Variants in MYO16 observed in about 807,000 individuals in gnomAD.
MYO16 encodes the protein myosin XVI, also known as unconventional myosin-XVI.
In MYO16, 94 loss-of-function variants were observed where a neutral mutation model predicts 205.3. The observed-to-expected ratio is 0.46, with a 90% CI of 0.39 to 0.54. MYO16 has a LOEUF of 0.54. Among genes scored for constraint, MYO16 ranks in the 20% least tolerant of loss-of-function variants. The pLI is 0.00. For synonymous variants in MYO16, 988 were observed against 954.0 expected (o/e 1.04, Z -0.66); for missense variants, 2,315 against 2,387.5 (o/e 0.97, Z 0.63).
chr13:108,527,477 A>G, the MYO16 span, among the ~76,000 whole-genome samples: 1 of 152,210 alleles, frequency 6.6e-6, no homozygotes, highest in Non-Finnish European at 1.5e-5. Flanking sequence ...CTGTTAATTA[A>G]GGTTTGTAAC....
the MYO16 span, among the ~76,000 whole-genome samples, chr13:108,542,600 C>T: frequency 6.6e-6 from 1 of 151,998 alleles, no homozygotes; most frequent in African/African-American, 2.4e-5. Flanking sequence ...TGAGATTAGC[C>T]TTTATTTTGA....
At chr13:108,506,560 ATGTATGTG>A in the MYO16 span, among the ~76,000 whole-genome samples, 2 of 152,066 alleles carry the variant, frequency 1.3e-5, no homozygotes, top group African/African-American at 4.8e-5. Context: ...CAGTTTGCAC[ATGTATGTG>A]TGTATGTGTG....
chr13:108,773,846 C>A (rs9634572), intron 4 of MYO16, among the ~76,000 whole-genome samples: 27,681 of 152,096 alleles, frequency 0.18, 2,839 homozygotes, highest in African/African-American at 0.28. Flanking sequence ...GCCTTTGTTT[C>A]CTAAAATGCC....
chr13:108,742,900 G>A (rs1448352432), intron 4 of MYO16, among the ~76,000 whole-genome samples: 1 of 152,150 alleles, frequency 6.6e-6, no homozygotes, highest in Non-Finnish European at 1.5e-5. Context: ...TATAGGGAAT[G>A]GTCTCTGAAT....
intron 27 of MYO16, among the ~76,000 whole-genome samples, chr13:109,089,205 T>C (rs1045625554): frequency 5.3e-5 from 8 of 150,944 alleles, no homozygotes; most frequent in Non-Finnish European, 4.4e-5. Flanking sequence ...ATTATTATTA[T>C]TATTATTATT....
the MYO16 span, among the ~76,000 whole-genome samples, chr13:108,585,832 T>A: frequency 1.3e-5 from 2 of 152,160 alleles, no homozygotes; most frequent in African/African-American, 4.8e-5. Context: ...AGATAAAAAA[T>A]CCGAGCTTAG....
intron 12 of MYO16, among the ~76,000 whole-genome samples, chr13:108,869,662 C>A (rs367916353): frequency 7.7e-6 from 1 of 130,564 alleles, no homozygotes; most frequent in African/African-American, 2.9e-5. Context: ...ACCCGGGAGG[C>A]GGAGGTTGCA....
At chr13:109,060,558 G>A (rs1342465982) in intron 27 of MYO16, among the ~76,000 whole-genome samples, 2 of 152,034 alleles carry the variant, frequency 1.3e-5, no homozygotes, top group Admixed American at 1.3e-4. Flanking sequence ...CCTAGATGAC[G>A]GGTTGATAGG....
At chr13:108,602,576 G>T (rs1878805038) in intron 1 of MYO16, among the ~76,000 whole-genome samples, 1 of 151,914 alleles carries the variant, frequency 6.6e-6, no homozygotes, top group South Asian at 2.1e-4. Context: ...CAAATATGGG[G>T]AAAAAAATCA....
chr13:108,923,644 G>A (rs1284378473), intron 16 of MYO16, among the ~76,000 whole-genome samples: 5 of 152,200 alleles, frequency 3.3e-5, no homozygotes, highest in Non-Finnish European at 7.4e-5. Context: ...CAATGCGGCC[G>A]GGGTGTTTGG....
intron 2 of MYO16, among the ~76,000 whole-genome samples, chr13:108,672,418 A>G (rs11841754): frequency 6.6e-6 from 1 of 152,134 alleles, no homozygotes; most frequent in African/African-American, 2.4e-5. Context: ...AAGTACTTTT[A>G]TTGGCTGGCT....
intron 16 of MYO16, among the ~76,000 whole-genome samples, chr13:108,931,684 C>T (rs894827782): frequency 2.0e-5 from 3 of 152,152 alleles, no homozygotes; most frequent in Non-Finnish European, 4.4e-5. Flanking sequence ...CCATCATTCA[C>T]ACATAATAGG....
At chr13:108,577,079 G>C in the MYO16 span, among the ~76,000 whole-genome samples, 4 of 152,222 alleles carry the variant, frequency 2.6e-5, 1 homozygote, top group Middle Eastern at 0.01. Flanking sequence ...CTTTCCATTT[G>C]ATTCAATTTT....
chr13:108,867,455 T>C (rs1345120173), intron 12 of MYO16, among the ~76,000 whole-genome samples: 1 of 152,024 alleles, frequency 6.6e-6, no homozygotes, highest in Non-Finnish European at 1.5e-5. Context: ...CCCTCCTCAT[T>C]CCTCCCAATC....
At chr13:108,570,194 T>C in the MYO16 span, among the ~76,000 whole-genome samples, 1 of 152,160 alleles carries the variant, frequency 6.6e-6, no homozygotes, top group Admixed American at 6.6e-5. Context: ...AGGGCTGGTC[T>C]TGCTTGCTTG....
chr13:108,700,356 AGAAG>A (rs1566558196), intron 2 of MYO16, among the ~76,000 whole-genome samples: 1 of 119,488 alleles, frequency 8.4e-6, no homozygotes, highest in African/African-American at 3.5e-5. Flanking sequence ...AAAAAGAAGA[AGAAG>A]AAGAAGAAGA....
chr13:108,712,785 A>G (rs1161012088), intron 3 of MYO16, 54 bp downstream of exon 3: 4 of 1,424,176 alleles, frequency 2.8e-6, no homozygotes, highest in Admixed American at 2.2e-5. Flanking sequence ...GGGAGAGTAC[A>G]TTACAGGTTC....
intron 16 of MYO16, among the ~76,000 whole-genome samples, chr13:108,947,757 G>A (rs1375001160): frequency 6.6e-6 from 1 of 152,186 alleles, no homozygotes; most frequent in African/African-American, 2.4e-5. Flanking sequence ...TATGTGTAAG[G>A]TGTCAAGAGT....
At chr13:108,634,283 A>G (rs1327847786) in intron 1 of MYO16, among the ~76,000 whole-genome samples, 1 of 152,110 alleles carries the variant, frequency 6.6e-6, no homozygotes, top group African/African-American at 2.4e-5. Flanking sequence ...GTGTCTGCGC[A>G]TGTATTCCTC....
Sources: allele counts gnomAD v4.1 joint callset (sites outside exome capture counted in the v4.1 genomes callset), GRCh38; gene constraint gnomAD v4.1.1; transcripts MANE v1.5; gene names NCBI Gene and HGNC (gene_info 2026-07-23, HGNC 2026-07-21).